Variants in CUX1 observed in about 807,000 individuals in gnomAD.
CUX1 encodes the protein protein CASP.
In CUX1, 31 loss-of-function variants were observed where a neutral mutation model predicts 158.8. That is an observed-to-expected ratio of 0.20 (90% CI 0.15 to 0.26). CUX1 has a LOEUF of 0.26. Ranked by LOEUF, CUX1 falls within the 10% of genes least tolerant of loss-of-function variation. The pLI, the probability that CUX1 is intolerant of heterozygous loss-of-function variation, is 1.00. For synonymous variants in CUX1, 879 were observed against 862.1 expected (o/e 1.02, Z -0.34); for missense variants, 1,589 against 2,014.6 (o/e 0.79, Z 4.04).
At chr7:101,855,694 A>C (rs147645905) in intron 1 of CUX1, among the ~76,000 whole-genome samples, 84 of 152,022 alleles carry the variant, frequency 5.5e-4, no homozygotes, top group African/African-American at 1.9e-3. Flanking sequence ...CCTGGCCAAC[A>C]TGGTGAAACC....
At chr7:102,033,053 G>C (rs1201608502) in intron 3 of CUX1, among the ~76,000 whole-genome samples, 1 of 152,304 alleles carries the variant, frequency 6.6e-6, no homozygotes, top group Admixed American at 6.5e-5. Flanking sequence ...TTGGTAGTGG[G>C]GGACAAGTGT....
At chr7:101,907,469 C>T (rs1802887500) in intron 1 of CUX1, among the ~76,000 whole-genome samples, 2 of 152,160 alleles carry the variant, frequency 1.3e-5, no homozygotes, top group Admixed American at 6.5e-5. Context: ...ATGTCTCAGC[C>T]TCCCGAATAG....
At chr7:102,158,432 G>A in intron 8 of CUX1, 128 bp from the exon 9 acceptor site, 1 of 793,826 alleles carries the variant, frequency 1.3e-6, no homozygotes, top group Non-Finnish European at 2.1e-6. Context: ...ACCTCCTCCT[G>A]CTGGACAGCA....
intron 8 of CUX1, among the ~76,000 whole-genome samples, chr7:102,152,371 T>C (rs1290339881): frequency 6.6e-6 from 1 of 152,184 alleles, no homozygotes; most frequent in Non-Finnish European, 1.5e-5. Flanking sequence ...TAAAAAAGAA[T>C]TCTCAGAAAA....
chr7:102,019,407 T>G (rs1369962876), intron 2 of CUX1, among the ~76,000 whole-genome samples: 1 of 152,152 alleles, frequency 6.6e-6, no homozygotes, highest in Admixed American at 6.6e-5. Flanking sequence ...CTATTTTTAG[T>G]AGAGTTGGGG....
chr7:102,234,894 G>C (rs1799384838), intron 22 of CUX1, among the ~76,000 whole-genome samples: 1 of 151,920 alleles, frequency 6.6e-6, no homozygotes, highest in Non-Finnish European at 1.5e-5. Context: ...CCGCACTCCA[G>C]CCTGGGTGAC....
At chr7:102,277,949 G>C in exon 18 of CUX1, 1 of 1,479,214 alleles carries the variant, frequency 6.8e-7, no homozygotes, top group Non-Finnish European at 9.1e-7. Flanking sequence ...CCCCCCCCAG[G>C]AGAACCGCCT....
At chr7:101,979,253 C>T (rs1208947729) in intron 2 of CUX1, among the ~76,000 whole-genome samples, 2 of 152,152 alleles carry the variant, frequency 1.3e-5, no homozygotes, top group African/African-American at 4.8e-5. Context: ...CTCCCTAGGG[C>T]CGGCATATGG....
At chr7:102,222,811 C>CGTTTTTTTTTTTTTTTTTT (rs1797941516) in intron 20 of CUX1, among the ~76,000 whole-genome samples, 1 of 25,510 alleles carries the variant, frequency 3.9e-5, no homozygotes, top group Non-Finnish European at 6.3e-5. Context: ...GGCACCGTAT[C>CGTTTTTTTTTTTTTTTTTT]TTTTTTTTTT....
intron 2 of CUX1, among the ~76,000 whole-genome samples, chr7:101,958,297 A>G (rs1810010153): frequency 6.6e-6 from 1 of 152,032 alleles, no homozygotes; most frequent in Non-Finnish European, 1.5e-5. Flanking sequence ...CCTGGGGCTC[A>G]GGAGAGACGT....
At chr7:102,241,081 A>G (rs553496355) in intron 23 of CUX1, among the ~76,000 whole-genome samples, 1 of 152,226 alleles carries the variant, frequency 6.6e-6, no homozygotes, top group East Asian at 1.9e-4. Context: ...CGGCCTCCCA[A>G]AGTGCTGGGA....
chr7:101,922,473 CT>C (rs1805067695), intron 2 of CUX1, among the ~76,000 whole-genome samples: 1 of 152,180 alleles, frequency 6.6e-6, no homozygotes, highest in Admixed American at 6.5e-5. Flanking sequence ...AGTTGAGGAC[CT>C]ACGCACCTGG....
At chr7:101,875,383 CTTA>C (rs1348836916) in intron 1 of CUX1, among the ~76,000 whole-genome samples, 1 of 152,184 alleles carries the variant, frequency 6.6e-6, no homozygotes, top group African/African-American at 2.4e-5. Context: ...AATGATTTCT[CTTA>C]TTATAAGCAG....
intron 4 of CUX1, among the ~76,000 whole-genome samples, chr7:102,074,226 G>GT (rs1218623884): frequency 6.6e-6 from 1 of 152,234 alleles, no homozygotes; most frequent in Non-Finnish European, 1.5e-5. Context: ...GTAGGGTGCA[G>GT]TAAGTTCTGC....
At chr7:101,992,397 T>A (rs1376091607) in intron 2 of CUX1, among the ~76,000 whole-genome samples, 1 of 152,126 alleles carries the variant, frequency 6.6e-6, no homozygotes, top group Non-Finnish European at 1.5e-5. Context: ...TAAACTCCAC[T>A]CTGTTTCTTT....
chr7:102,092,047 C>T (rs188172079), intron 4 of CUX1, among the ~76,000 whole-genome samples: 72 of 152,356 alleles, frequency 4.7e-4, no homozygotes, highest in African/African-American at 1.7e-3. Flanking sequence ...TGCGCCATGC[C>T]GTCCATCTCT....
chr7:102,197,320 T>C lies in CUX1; in HGVS notation c.1894+15T>C, dbSNP rs376969482. The C allele has an allele frequency of 3.7e-6, 6 of 1,605,916 alleles. No homozygotes were observed. Among genetic ancestry groups the C allele is most frequent in the Non-Finnish European group, 5.1e-6 (6 of 1,173,522 alleles). On this transcript the variant is annotated intron_variant, in intron 15 of 23. Transcript: ENST00000292535. ...CAGACAAAGAGGTGAGAGACTGGCGTTGGGTGGCGCCAGCGTGCGAGCCCG... is the reference window on the plus strand; with the variant it reads ...CAGACAAAGAGGTGAGAGACTGGCGCTGGGTGGCGCCAGCGTGCGAGCCCG...
chr7:101,869,352 C>T lies in CUX1; in HGVS notation c.31-46763C>T, dbSNP rs186624068. ...TCTAGGCTGAGTTTTCATTGCCCAG[C>T]ACAGTGCCTGGCACACAGTAGGTGC... On this transcript the variant is annotated intron_variant, in intron 1 of 23. Coordinates refer to ENST00000292535, the MANE Select transcript of CUX1 (RefSeq NM_181552.4). This position sits in a 1 kb window ranked among gnomAD's most constrained non-coding sequence, Gnocchi z 4.5. Among the ~76,000 whole-genome samples, 1 of 152,342 alleles carries T rather than the reference C, an allele frequency of 6.6e-6. No homozygotes were observed. The highest frequency in any genetic ancestry group is 1.9e-4 in the East Asian group (1 of 5,184).
intron 3 of CUX1, 116 bp downstream of exon 3, chr7:102,028,261 G>A: frequency 1.9e-6 from 2 of 1,072,584 alleles, no homozygotes; most frequent in Non-Finnish European, 2.8e-6. Context: ...TGCCTTCCCG[G>A]CTGCTCCGAC....
Sources: allele counts gnomAD v4.1 joint callset (sites outside exome capture counted in the v4.1 genomes callset), GRCh38; gene constraint gnomAD v4.1.1; non-coding constraint Gnocchi (gnomAD v3.1); transcripts MANE v1.5; gene names NCBI Gene and HGNC (gene_info 2026-07-23, HGNC 2026-07-21).